Variants in FER1L5 observed in about 807,000 individuals in gnomAD.
FER1L5 encodes the protein fer-1-like protein 5.
FER1L5 carries 187 observed loss-of-function variants against 279.9 expected under a neutral mutation model. The observed-to-expected ratio is 0.67, with a 90% confidence interval of 0.59 to 0.75. The LOEUF (loss-of-function observed/expected upper bound fraction) is 0.75. Among genes scored for constraint, FER1L5 ranks in the 30% least tolerant of loss-of-function variants. FER1L5 has a pLI of 0.00. For synonymous variants in FER1L5, 921 were observed against 989.7 expected, an observed-to-expected ratio of 0.93 and a Z score of 1.30; for missense variants, 2,091 against 2,594.4, an observed-to-expected ratio of 0.81 and a Z score of 4.21.
In FER1L5 at chr2:96,704,794, AG is replaced by A. The variant is rs1253146097; in HGVS notation, c.*104del. 3 of 868,150 alleles carry A rather than the reference AG, an allele frequency of 3.5e-6. No individual in the cohort carries two copies. Among genetic ancestry groups the A allele is most frequent in the Non-Finnish European group, 5.5e-6 (3 of 549,754 alleles). The allele number at this position is 868,150 out of a possible 1,614,324, so 53.8% of individuals were successfully genotyped here. A position where few individuals can be genotyped will look rare whatever the true frequency, so the allele number is the denominator to read the frequency against. ...TCTTCTAGAATATATGCAAGATGCT[AG>A]GAATATTCTGGCTATTGTGTTCAGA... On this transcript the variant is annotated 3_prime_UTR_variant, in exon 53 of 53. Transcript: ENST00000624922.
chr2:96,693,495 T>C lies in FER1L5; in HGVS notation c.3293-11T>C. On this transcript the variant is annotated splice_polypyrimidine_tract_variant and intron_variant, in intron 31 of 52. Transcript: ENST00000624922. Reference sequence around the variant, plus strand: ...CTCAAGACACTGCTACCTTCTCCTCTACCCCTCCAGGGCCCTTCATTCGGG... The same window carrying C: ...CTCAAGACACTGCTACCTTCTCCTCCACCCCTCCAGGGCCCTTCATTCGGG... 1 of 1,548,492 alleles carries C rather than the reference T, an allele frequency of 6.5e-7. No homozygotes were observed. The highest frequency in any genetic ancestry group is 8.7e-7 in the Non-Finnish European group (1 of 1,145,128).
chr2:96,697,943 G>C (rs1351696704), intron 39 of FER1L5, 94 bp from the exon 40 acceptor site: 15 of 1,499,438 alleles, frequency 1.0e-5, no homozygotes, highest in Non-Finnish European at 1.3e-5. Context: ...CTGACTGCCA[G>C]ATGCTTTGGA....
Position 96,687,838 on chromosome 2 carries a change from A to C in FER1L5, c.2252A>C (p.Lys751Thr). The C allele has an allele frequency of 6.4e-7, 1 of 1,551,256 alleles. No individual in the cohort carries two copies. Among genetic ancestry groups the C allele is most frequent in the South Asian group, 1.2e-5 (1 of 84,056 alleles). Residue 751 changes from lysine (K) to threonine (T), a missense_variant, in exon 24 of 53, where the codon AAG (lysine) becomes ACG (threonine). By Grantham distance (78) the Lys-to-Thr change is moderately conservative (BLOSUM62 -1). Coordinates refer to ENST00000624922, the MANE Select transcript of FER1L5 (RefSeq NM_001293083.2). ...FLQYPEGEGQ[K>T]DVLPAHLRVC... ...CAGTACCCAGAGGGTGAAGGACAGA[A>C]GGATGTGCTCCCAGCTCACCTCCGG...
chr2:96,691,555 G>T lies in FER1L5; in HGVS notation c.3018G>T (p.Arg1006Ser), dbSNP rs746967232. The T allele has an allele frequency of 3.9e-6, 6 of 1,549,260 alleles. No homozygotes were observed. The highest frequency in any genetic ancestry group is 5.2e-6 in the Non-Finnish European group (6 of 1,146,128). Reference protein sequence around the residue: ...SRFRRRCWRRRLAPNKDKGIA... With the variant: ...SRFRRRCWRRSLAPNKDKGIA... ...TCCGCCGCCGCTGCTGGCGCCGCAGGCTGGCCCCCAACAAGGACAAGGGCA... is the reference window on the plus strand; with the variant it reads ...TCCGCCGCCGCTGCTGGCGCCGCAGTCTGGCCCCCAACAAGGACAAGGGCA... The change falls in exon 29 of 53, where the codon AGG becomes AGT. Residue 1006 changes from arginine to serine, a missense_variant. Transcript: ENST00000624922. This position sits in a 1 kb window ranked among gnomAD's most constrained non-coding sequence, Gnocchi z 6.0.
chr2:96,695,957 G>A (rs1218455828), intron 36 of FER1L5, 53 bp downstream of exon 36: 17 of 1,607,232 alleles, frequency 1.1e-5, no homozygotes, highest in Non-Finnish European at 1.1e-5. Flanking sequence ...AGCCTGCACT[G>A]GGAGTGGGGC....
chr2:96,689,174 T>C lies in FER1L5; in HGVS notation c.2362-39T>C. ...AGGCCCATGTCCCCGCACTTTGTGC[T>C]AGAGGAGGCGGCCGCCCTGACAAGC... On this transcript the variant is annotated intron_variant, in intron 24 of 52. Coordinates refer to ENST00000624922, the MANE Select transcript of FER1L5 (RefSeq NM_001293083.2). This position sits in a 1 kb window ranked among gnomAD's most constrained non-coding sequence, Gnocchi z 4.6. 6.5e-7 allele frequency: 1 copy of C among 1,542,366 alleles called. No homozygotes were observed. The highest frequency in any genetic ancestry group is 8.7e-7 in the Non-Finnish European group (1 of 1,143,848).
chr2:96,663,548 C>G (rs1423594449), intron 14 of FER1L5, 41 bp downstream of exon 14: 2 of 1,545,076 alleles, frequency 1.3e-6, no homozygotes, highest in Non-Finnish European at 8.8e-7. Flanking sequence ...CCCACATCCC[C>G]TAACATAGAA....
chr2:96,655,384 T>A (rs2075558336), intron 9 of FER1L5, among the ~76,000 whole-genome samples: 1 of 152,200 alleles, frequency 6.6e-6, no homozygotes, highest in Non-Finnish European at 1.5e-5. Flanking sequence ...AAACAAAAAA[T>A]ACATTTTAAA....
chr2:96,688,026 C>T, intron 24 of FER1L5, 79 bp downstream of exon 24: 1 of 1,519,466 alleles, frequency 6.6e-7, no homozygotes, highest in Non-Finnish European at 8.9e-7. Context: ...GAAGAGATGG[C>T]CTCCCTGCAG....
chr2:96,693,084 G>A (rs1273205127), intron 31 of FER1L5, among the ~76,000 whole-genome samples: 2 of 151,900 alleles, frequency 1.3e-5, no homozygotes, highest in East Asian at 1.9e-4. Context: ...GCTGAGGCAG[G>A]AGGATTGCTT....
chr2:96,698,231 T>C lies in FER1L5; in HGVS notation c.4356+75T>C. On this transcript the variant is annotated intron_variant, in intron 40 of 52. Coordinates refer to ENST00000624922, the MANE Select transcript of FER1L5 (RefSeq NM_001293083.2). This position sits in a 1 kb window ranked among gnomAD's most constrained non-coding sequence, Gnocchi z 5.5. ...GTCCCTGGAAAACGAATAAAAGCCC[T>C]GGCTCTATATGCTCATTGTGAAGAT... is the stretch of plus-strand genomic sequence containing the variant. 1 of 1,497,378 alleles carries C rather than the reference T, an allele frequency of 6.7e-7. No homozygotes were observed. The highest frequency in any genetic ancestry group is 9.0e-7 in the Non-Finnish European group (1 of 1,117,196). 92.8% of individuals were successfully genotyped at this position (1,497,378 alleles called of 1,614,324 possible). A position where few individuals can be genotyped will look rare whatever the true frequency, so the allele number is the denominator to read the frequency against.
chr2:96,689,488 C>A lies in FER1L5; in HGVS notation c.2525+112C>A. The A allele has an allele frequency of 1.3e-6, 2 of 1,490,626 alleles. No homozygotes were observed. The highest frequency in any genetic ancestry group is 1.8e-6 in the Non-Finnish European group (2 of 1,103,390). The allele number at this position is 1,490,626 out of a possible 1,614,324, so 92.3% of individuals were successfully genotyped here. ...GCCCCTAAGCCTGGTGCCAGAGGGC[C>A]GAGGTGCACCAGGCCAAGGGCCCTG... On this transcript the variant is annotated intron_variant, in intron 25 of 52. Coordinates refer to ENST00000624922, the MANE Select transcript of FER1L5 (RefSeq NM_001293083.2). This position sits in a 1 kb window ranked among gnomAD's most constrained non-coding sequence, Gnocchi z 4.6.
At position 96,650,600 on chromosome 2, in the gene FER1L5, T is replaced by C. The variant is rs72941222; in HGVS notation, c.504+311T>C. On this transcript the variant is annotated intron_variant, in intron 6 of 52. Transcript: ENST00000624922. ...TGCCCTCTCAGAGTCCTCAGGTTGT[T>C]GGCAAAACAAAGTGGGGCACAGGCA... Among the ~76,000 whole-genome samples, 364 of 152,300 alleles carry C rather than the reference T, an allele frequency of 2.4e-3. 1 individual carries two copies. The highest frequency in any genetic ancestry group is 8.4e-3 in the African/African-American group (348 of 41,556).
intron 14 of FER1L5, among the ~76,000 whole-genome samples, chr2:96,666,582 T>A (rs2076135177): frequency 6.6e-6 from 1 of 152,076 alleles, no homozygotes. Context: ...GATTGAGGAT[T>A]TGGGGTCCCA....
chr2:96,692,161 A>G lies in FER1L5; in HGVS notation c.3272A>G (p.Asn1091Ser), dbSNP rs371765571. The change falls in exon 31 of 53, where the codon AAT becomes AGT. Residue 1091 changes from asparagine to serine, a missense_variant. By Grantham distance (46) the Asn-to-Ser change is conservative. Coordinates refer to ENST00000624922, the MANE Select transcript of FER1L5 (RefSeq NM_001293083.2). ...YIYQARNLVSNQILTFQGPFI... is the reference protein window; with the variant it reads ...YIYQARNLVSSQILTFQGPFI... ...TACCAGGCCCGGAACCTGGTGTCCA[A>G]TCAGATCCTGACATTCCAAGGTAGG... 1.3e-6 allele frequency: 2 copies of G among 1,551,536 alleles called. No homozygotes were observed. Among genetic ancestry groups the G allele is most frequent in the African/African-American group, 1.4e-5 (1 of 73,014 alleles).
chr2:96,656,794 G>T (rs1270742181), intron 9 of FER1L5, among the ~76,000 whole-genome samples: 1 of 150,060 alleles, frequency 6.7e-6, no homozygotes, highest in Admixed American at 6.6e-5. Flanking sequence ...AAGGAAACTG[G>T]GTAGTTGGAC....
In FER1L5 at chr2:96,699,718, C is replaced by T. The variant is rs149646099; in HGVS notation, c.4779C>T (p.Cys1593=). 68 of 1,613,820 alleles carry T rather than the reference C, an allele frequency of 4.2e-5. No individual in the cohort carries two copies. In the East Asian group the frequency reaches 6.5e-4, roughly 15 times the overall value. ...GAHCGLSKSY[C]QSGPFRWRDQ... ...ATTGTGGGCTCTCCAAATCCTACTG[C>T]CAGTGAGAGTGGGCCCGTCTGGGGG... The change falls in exon 43 of 53, where the codon TGC becomes TGT. Residue 1593 remains cysteine (C), a splice_region_variant and synonymous_variant. Transcript: ENST00000624922.
At position 96,701,949 on chromosome 2, in the gene FER1L5, C is replaced by T. The variant is rs894698606; in HGVS notation, c.5071-6C>T. On this transcript the variant is annotated splice_polypyrimidine_tract_variant and splice_region_variant and intron_variant, in intron 45 of 52. Transcript: ENST00000624922. ...CCCCCAACCAGTCAATGTATCCCGG[C>T]TCTAGGGAAAGGTGCAAATGTGGGT... 3.1e-6 allele frequency: 5 copies of T among 1,613,878 alleles called. No homozygotes were observed. The African/African-American group carries it at 5.3e-5, about 17-fold the overall frequency.
At chr2:96,703,426 A>G (rs1197761976) in intron 50 of FER1L5, 80 bp downstream of exon 50, 1 of 1,602,706 alleles carries the variant, frequency 6.2e-7, no homozygotes, top group Non-Finnish European at 8.5e-7. Context: ...GGACCTAGCT[A>G]AATCCCTTTT....
Sources: allele counts gnomAD v4.1 joint callset (sites outside exome capture counted in the v4.1 genomes callset), GRCh38; gene constraint gnomAD v4.1.1; non-coding constraint Gnocchi (gnomAD v3.1); transcripts MANE v1.5; gene names NCBI Gene and HGNC (gene_info 2026-07-23, HGNC 2026-07-21).